The following NUDT3 variants were observed in gnomAD, a reference collection of about 807,000 sequenced individuals.
NUDT3 encodes the protein nudix hydrolase 3.
NUDT3 carries 9 observed loss-of-function variants against 23.6 expected under a neutral mutation model. The ratio of observed to expected loss-of-function variants is 0.38; its 90% CI spans 0.23 to 0.66. NUDT3 has a LOEUF of 0.66. NUDT3 is among the 30% of genes least tolerant of loss of function. The probability of loss-of-function intolerance (pLI) is 0.52; values close to 1 mark genes in which losing one functional copy is unlikely to be tolerated. For synonymous variants in NUDT3, 86 were observed against 82.6 expected, an observed-to-expected ratio of 1.04 and a Z score of -0.22; for missense variants, 172 against 218.5, an observed-to-expected ratio of 0.79 and a Z score of 1.34.
intron 2 of NUDT3, among the ~76,000 whole-genome samples, chr6:34,319,838 C>A (rs542965387): frequency 3.3e-5 from 5 of 152,232 alleles, no homozygotes; most frequent in East Asian, 1.9e-4. Context: ...TAGAGTCCTG[C>A]CTTGGGCAGG....
At chr6:34,390,905 C>G (rs1256805430) in intron 1 of NUDT3, among the ~76,000 whole-genome samples, 2 of 152,152 alleles carry the variant, frequency 1.3e-5, no homozygotes, top group Non-Finnish European at 2.9e-5. Context: ...AATATGCATT[C>G]CAAAACAGTA....
At chr6:34,343,456 G>C (rs1462104029) in intron 1 of NUDT3, among the ~76,000 whole-genome samples, 1 of 151,340 alleles carries the variant, frequency 6.6e-6, no homozygotes, top group Non-Finnish European at 1.5e-5. Context: ...TGGGAGGACT[G>C]CTTGAGCCCA....
chr6:34,372,963 T>C (rs1256580333), intron 1 of NUDT3, among the ~76,000 whole-genome samples: 1 of 151,254 alleles, frequency 6.6e-6, no homozygotes, highest in Non-Finnish European at 1.5e-5. Flanking sequence ...TTAATATATA[T>C]ACATAGAGAG....
At chr6:34,307,000 C>T (rs1386535589) in intron 2 of NUDT3, among the ~76,000 whole-genome samples, 1 of 152,046 alleles carries the variant, frequency 6.6e-6, no homozygotes, top group African/African-American at 2.4e-5. Flanking sequence ...AACAATGTGG[C>T]CTATGCGCAA....
chr6:34,360,237 CAAAA>C (rs34629409), intron 1 of NUDT3, among the ~76,000 whole-genome samples: 3 of 50,718 alleles, frequency 5.9e-5, no homozygotes, highest in South Asian at 6.9e-4. Context: ...GACCCTGTCT[CAAAA>C]AAAAAAAAAA....
chr6:34,385,213 T>C (rs1325888271), intron 1 of NUDT3, among the ~76,000 whole-genome samples: 2 of 152,038 alleles, frequency 1.3e-5, no homozygotes, highest in Non-Finnish European at 2.9e-5. Flanking sequence ...TCTCAACACT[T>C]TGGGAGGCCA....
At chr6:34,348,082 T>C (rs1162275061) in intron 1 of NUDT3, among the ~76,000 whole-genome samples, 2 of 151,782 alleles carry the variant, frequency 1.3e-5, no homozygotes, top group South Asian at 2.1e-4. Context: ...GCAGATCACT[T>C]GAGCTCAGGA....
At chr6:34,346,642 C>T (rs896024983) in intron 1 of NUDT3, among the ~76,000 whole-genome samples, 1 of 152,052 alleles carries the variant, frequency 6.6e-6, no homozygotes, top group Non-Finnish European at 1.5e-5. Context: ...AGGAAGCAAG[C>T]CTCATTAGTT....
chr6:34,306,026 T>C (rs1763674140), intron 2 of NUDT3, among the ~76,000 whole-genome samples: 1 of 152,216 alleles, frequency 6.6e-6, no homozygotes, highest in Admixed American at 6.5e-5. Context: ...AACATATCTA[T>C]GTGCTCAATC....
rs373337357 is a variant in NUDT3, at chr6:34,371,517, T to C, written c.99+20747A>G. ...GATAGCAAGTCTCATACTCAGCAGA[T>C]GCAGATTCAACGTGGGAAACAGGAA... On this transcript the variant is annotated intron_variant, in intron 1 of 4. Coordinates refer to ENST00000607016, the MANE Select transcript of NUDT3 (RefSeq NM_006703.4). Among the ~76,000 whole-genome samples, 51 of 152,058 alleles carry C rather than the reference T, an allele frequency of 3.4e-4. 1 individual carries two copies. The South Asian group carries it at 9.8e-3, about 29-fold the overall frequency.
At chr6:34,369,609 A>C (rs1484377963) in intron 1 of NUDT3, among the ~76,000 whole-genome samples, 1 of 152,230 alleles carries the variant, frequency 6.6e-6, no homozygotes, top group Non-Finnish European at 1.5e-5. Context: ...ATGATGTGAC[A>C]GTGTGTGACT....
At chr6:34,335,504 T>C (rs1764195514) in intron 2 of NUDT3, among the ~76,000 whole-genome samples, 1 of 152,216 alleles carries the variant, frequency 6.6e-6, no homozygotes, top group Non-Finnish European at 1.5e-5. Flanking sequence ...AGACCAAACA[T>C]AATCTAAGAT....
In NUDT3 at chr6:34,297,187, C is replaced by A. The variant is rs142968470; in HGVS notation, c.211-1502G>T. ...GACCTCGTGATCCGCCCATCTCAGT[C>A]TCCCAAAGTGCTGGGATTACAGGCG... On this transcript the variant is annotated intron_variant, in intron 2 of 4. Coordinates refer to ENST00000607016, the MANE Select transcript of NUDT3 (RefSeq NM_006703.4). 1.3e-3 allele frequency among the ~76,000 whole-genome samples: 196 copies of A among 152,214 alleles called. 1 individual carries two copies. In the East Asian group the frequency reaches 0.013, roughly 10 times the overall value.
intron 1 of NUDT3, among the ~76,000 whole-genome samples, chr6:34,349,643 C>G (rs1179140816): frequency 6.6e-6 from 1 of 150,588 alleles, no homozygotes; most frequent in Non-Finnish European, 1.5e-5. Context: ...ATTTGCAAAG[C>G]TCTGGCCAGA....
At chr6:34,316,337 A>C (rs1763857003) in intron 2 of NUDT3, among the ~76,000 whole-genome samples, 1 of 152,220 alleles carries the variant, frequency 6.6e-6, no homozygotes, top group Non-Finnish European at 1.5e-5. Flanking sequence ...GGTAGTAAAG[A>C]GGAACAAAAA....
At chr6:34,331,878 T>C (rs1406994224) in intron 2 of NUDT3, among the ~76,000 whole-genome samples, 1 of 152,068 alleles carries the variant, frequency 6.6e-6, no homozygotes, top group African/African-American at 2.4e-5. Flanking sequence ...CATCTGTGTA[T>C]ACTTTTTTTT....
chr6:34,314,839 G>C (rs1045345500), intron 2 of NUDT3, among the ~76,000 whole-genome samples: 2 of 152,100 alleles, frequency 1.3e-5, no homozygotes, highest in Non-Finnish European at 2.9e-5. Context: ...ATGTCTACCT[G>C]TGAAGCAGAT....
intron 2 of NUDT3, among the ~76,000 whole-genome samples, chr6:34,325,659 C>T (rs73744882): frequency 0.073 from 11,109 of 152,184 alleles, 658 homozygotes; most frequent in African/African-American, 0.17. Context: ...ATTTTTACTA[C>T]GGAGCCACAT....
At chr6:34,332,536 T>A (rs1203791905) in intron 2 of NUDT3, among the ~76,000 whole-genome samples, 1 of 152,198 alleles carries the variant, frequency 6.6e-6, no homozygotes, top group Admixed American at 6.5e-5. Context: ...AAAATCCACA[T>A]ATAAATGAAC....
Sources: allele counts gnomAD v4.1 joint callset (sites outside exome capture counted in the v4.1 genomes callset), GRCh38; gene constraint gnomAD v4.1.1; transcripts MANE v1.5; gene names NCBI Gene and HGNC (gene_info 2026-07-23, HGNC 2026-07-21).